Variants in SLC22A16 observed in about 807,000 individuals in gnomAD.
SLC22A16 encodes solute carrier family 22 member 16.
A neutral mutation model predicts 52.9 loss-of-function variants in SLC22A16; 53 were observed. That is an observed-to-expected ratio of 1.00 (90% CI 0.80 to 1.26). The LOEUF is 1.26. Ranked by LOEUF, SLC22A16 falls within the 50% of genes most tolerant of loss-of-function variation. The pLI is 0.00. For missense variants in SLC22A16, 726 were observed against 704.0 expected (o/e 1.03, Z -0.35); for synonymous variants, 291 against 268.8 (o/e 1.08, Z -0.81).
intron 1 of SLC22A16, among the ~76,000 whole-genome samples, chr6:110,472,115 G>T (rs1419802821): frequency 6.6e-6 from 1 of 152,202 alleles, no homozygotes; most frequent in Non-Finnish European, 1.5e-5. Context: ...ATCTAGGCCT[G>T]CCCCGCCTGG....
In SLC22A16 at chr6:110,471,146, A is replaced by G. The variant is rs532353749; in HGVS notation, c.53+5376T>C. Among the ~76,000 whole-genome samples the G allele has an allele frequency of 7.9e-5, 12 of 152,292 alleles. No homozygotes were observed. The East Asian group carries it at 2.3e-3, about 29-fold the overall frequency. On this transcript the variant is annotated intron_variant, in intron 1 of 7. Coordinates refer to ENST00000368919, the MANE Select transcript of SLC22A16 (RefSeq NM_033125.4). ...ACATATACAACAGTGGTCCCATAAG[A>G]TTATAATATTAATATCATATTTTTA...
chr6:110,465,796 C>T (rs1776039954), intron 1 of SLC22A16, among the ~76,000 whole-genome samples: 1 of 152,092 alleles, frequency 6.6e-6, no homozygotes, highest in Admixed American at 6.6e-5. Context: ...TTCTAAAATT[C>T]ACATGGAACC....
rs1240807440 is a variant in SLC22A16 at position 110,431,093 on chromosome 6, A to G, written c.1521+78T>C. On this transcript the variant is annotated intron_variant, in intron 7 of 7. Transcript: ENST00000368919. Reference sequence around the variant, plus strand: ...ATGATGTACTGGCTTTCAGTAAATAACAATAGAGAAGTTGCTAATAGGCAA... The same window carrying G: ...ATGATGTACTGGCTTTCAGTAAATAGCAATAGAGAAGTTGCTAATAGGCAA... 4 of 1,166,178 alleles carry G rather than the reference A, an allele frequency of 3.4e-6. No individual in the cohort carries two copies. In the Admixed American group the frequency reaches 7.0e-5, roughly 20 times the overall value. 72.2% of individuals were successfully genotyped at this position (1,166,178 alleles called of 1,614,324 possible).
At chr6:110,447,052 A>G in intron 2 of SLC22A16, 62 bp from the exon 3 acceptor site, 2 of 1,294,934 alleles carry the variant, frequency 1.5e-6, no homozygotes, top group Non-Finnish European at 2.2e-6. Context: ...TTAAACATCC[A>G]CTCCAATTCA....
At chr6:110,446,101 A>G (rs1327856408) in intron 3 of SLC22A16, among the ~76,000 whole-genome samples, 1 of 152,128 alleles carries the variant, frequency 6.6e-6, no homozygotes, top group Non-Finnish European at 1.5e-5. Context: ...CCCTCAGACC[A>G]TCCAACCTGC....
At chr6:110,425,141 C>T (rs1030476629) in intron 7 of SLC22A16, 56 bp from the exon 8 acceptor site, 21 of 1,598,976 alleles carry the variant, frequency 1.3e-5, no homozygotes, top group Admixed American at 8.7e-5. Context: ...ACGAACCCTT[C>T]GGAGAATAGA....
intron 2 of SLC22A16, among the ~76,000 whole-genome samples, chr6:110,448,552 A>T (rs1237566264): frequency 6.6e-6 from 1 of 152,176 alleles, no homozygotes; most frequent in Non-Finnish European, 1.5e-5. Flanking sequence ...CATCATCTTC[A>T]CACTTCAGCC....
intron 1 of SLC22A16, among the ~76,000 whole-genome samples, chr6:110,468,356 G>T (rs986984433): frequency 6.6e-6 from 1 of 152,136 alleles, no homozygotes; most frequent in African/African-American, 2.4e-5. Context: ...AAAATGATCA[G>T]AAATCAGGCC....
At chr6:110,469,529 C>A (rs1776189807) in intron 1 of SLC22A16, among the ~76,000 whole-genome samples, 1 of 152,212 alleles carries the variant, frequency 6.6e-6, no homozygotes, top group South Asian at 2.1e-4. Context: ...GCCTGGGCAA[C>A]AGAGAGAGAC....
chr6:110,459,715 G>A (rs1361979311), intron 1 of SLC22A16, among the ~76,000 whole-genome samples: 3 of 152,112 alleles, frequency 2.0e-5, no homozygotes, highest in African/African-American at 7.2e-5. Context: ...AACAATAGGG[G>A]AAACTGGGTG....
At chr6:110,476,385 T>G in intron 1 of SLC22A16, 137 bp downstream of exon 1, 1 of 1,380,518 alleles carries the variant, frequency 7.2e-7, no homozygotes, top group Non-Finnish European at 9.3e-7. Context: ...GACGCCCGTG[T>G]CCCGACTGCG....
chr6:110,476,553 C>A lies in SLC22A16; in HGVS notation c.22G>T (p.Gly8Trp), dbSNP rs1272718304. ...AAGTGCCCCACGTGGTCATAAATCC[C>A]CTCGAAGTGGCGGGACCCCATGGTG... The part of the protein sequence containing the change: MGSRHFE[G>W]IYDHVGHFGR... Residue 8 changes from glycine to tryptophan, a missense_variant, in exon 1 of 8, where the codon GGG becomes TGG. Gly to Trp is a radical substitution (Grantham distance 184). Coordinates refer to ENST00000368919, the MANE Select transcript of SLC22A16 (RefSeq NM_033125.4). The A allele has an allele frequency of 6.5e-7, 1 of 1,539,416 alleles. No homozygotes were observed. Among genetic ancestry groups the A allele is most frequent in the Non-Finnish European group, 8.7e-7 (1 of 1,145,514 alleles).
At chr6:110,427,999 A>G (rs930132384) in intron 7 of SLC22A16, among the ~76,000 whole-genome samples, 11 of 152,192 alleles carry the variant, frequency 7.2e-5, no homozygotes, top group African/African-American at 2.7e-4. Flanking sequence ...GTTCAAAACC[A>G]ACACTCAGTC....
At chr6:110,470,559 A>T (rs2494553) in intron 1 of SLC22A16, among the ~76,000 whole-genome samples, 146,799 of 152,202 alleles carry the variant, frequency 0.96, 70,814 homozygotes, top group Middle Eastern at 0.98. Context: ...TTCTTCAGTT[A>T]GTTTCTACCT....
chr6:110,438,715 C>G lies in SLC22A16; in HGVS notation c.1311+5G>C. The G allele has an allele frequency of 6.2e-7, 1 of 1,608,322 alleles. No homozygotes were observed. The highest frequency in any genetic ancestry group is 8.5e-7 in the Non-Finnish European group (1 of 1,177,956). ...CTGTCTTATAAAAAACAGAAGATAA[C>G]TCACCTGGGGGATCACCATAACGAC... On this transcript the variant is annotated splice_donor_5th_base_variant and intron_variant, in intron 5 of 7. Transcript: ENST00000368919.
intron 1 of SLC22A16, among the ~76,000 whole-genome samples, chr6:110,465,495 A>G (rs1776030298): frequency 6.6e-6 from 1 of 152,014 alleles, no homozygotes; most frequent in Admixed American, 6.6e-5. Context: ...TTTCTATACA[A>G]CACTCAAGCT....
At chr6:110,430,789 C>T (rs906188078) in intron 7 of SLC22A16, among the ~76,000 whole-genome samples, 2 of 152,204 alleles carry the variant, frequency 1.3e-5, no homozygotes, top group African/African-American at 2.4e-5. Context: ...CCCCAGAATT[C>T]GCCTTGCCCA....
At chr6:110,447,948 G>T (rs911410483) in intron 2 of SLC22A16, among the ~76,000 whole-genome samples, 2 of 152,144 alleles carry the variant, frequency 1.3e-5, no homozygotes, top group African/African-American at 4.8e-5. Context: ...GAATAATGCT[G>T]CTCTGAACAT....
Position 110,435,953 on chromosome 6 carries a change from A to G in SLC22A16, c.1320T>C (p.Tyr440=), listed in dbSNP as rs144442319. The G allele has an allele frequency of 4.7e-4, 755 of 1,612,482 alleles. 5 individuals carry two copies. The African/African-American group carries it at 9.1e-3, about 20-fold the overall frequency. The change falls in exon 6 of 8, where the codon TAT becomes TAC. Residue 440 remains tyrosine (Y), a synonymous_variant. Transcript: ENST00000368919. The part of the protein sequence containing the change: ...GVVMVIPQKH[Y]ILGVVTAMVG... ...CCATAGCTGTCACCACACCCAAAATATAATGTTTCTGAAAAAAATTTAGCA... is the reference window on the plus strand; with the variant it reads ...CCATAGCTGTCACCACACCCAAAATGTAATGTTTCTGAAAAAAATTTAGCA...
Sources: gnomAD v4.1 joint callset for allele counts (sites outside exome capture counted in the v4.1 genomes callset) on GRCh38, gnomAD v4.1.1 for gene constraint, MANE v1.5 for transcripts, NCBI Gene and HGNC (gene_info 2026-07-23, HGNC 2026-07-21) for gene names.